Variants in XIRP2 observed in about 807,000 individuals in gnomAD.
XIRP2 encodes the protein xin actin-binding repeat-containing protein 2.
A neutral mutation model predicts 277.0 loss-of-function variants in XIRP2; 236 were observed. The ratio of observed to expected loss-of-function variants is 0.85; its 90% confidence interval spans 0.77 to 0.95. The LOEUF is 0.95. XIRP2 is among the 40% of genes least tolerant of loss of function. XIRP2 has a pLI of 0.00. For synonymous variants in XIRP2, 1,490 were observed against 1,416.5 expected (o/e 1.05, Z -1.17); for missense variants, 4,640 against 4,157.5 (o/e 1.12, Z -3.19).
Position 166,963,709 on chromosome 2 carries a change from G to C in XIRP2, c.408+59819G>C, listed in dbSNP as rs115867419. Among the ~76,000 whole-genome samples, 422 of 151,940 alleles carry C rather than the reference G, an allele frequency of 2.8e-3. 4 individuals carry two copies. Among genetic ancestry groups the C allele is most frequent in the African/African-American group, 9.6e-3 (399 of 41,522 alleles). On this transcript the variant is annotated intron_variant, in intron 2 of 10. Transcript: ENST00000409195. ...ACCTCTCAGAAAGAAGACCAGCATA[G>C]CTGAAGCAGAGCAAAGAAGAGCACT...
intron 1 of XIRP2, 97 bp from the exon 2 acceptor site, chr2:166,903,368 C>A: frequency 7.8e-7 from 1 of 1,284,524 alleles, no homozygotes. Context: ...TTACTAAGAC[C>A]CAAACCCCAA....
chr2:167,049,495 G>T (rs1409455889), intron 2 of XIRP2, among the ~76,000 whole-genome samples: 1 of 150,198 alleles, frequency 6.7e-6, no homozygotes. Flanking sequence ...TACAAATAAT[G>T]GAGACCTTCT....
At chr2:167,126,680 G>T (rs1691215984) in intron 2 of XIRP2, among the ~76,000 whole-genome samples, 1 of 152,214 alleles carries the variant, frequency 6.6e-6, no homozygotes, top group South Asian at 2.1e-4. Context: ...CCAATAACTT[G>T]TCATTTGCTT....
chr2:167,081,946 C>T (rs1174829005), intron 2 of XIRP2, among the ~76,000 whole-genome samples: 2 of 146,564 alleles, frequency 1.4e-5, no homozygotes, highest in Admixed American at 6.8e-5. Flanking sequence ...CATGTATTTT[C>T]TTTTTTTTTA....
chr2:167,250,355 T>C lies in XIRP2; in HGVS notation c.8963T>C (p.Ile2988Thr). The C allele has an allele frequency of 6.2e-7, 1 of 1,613,552 alleles. No individual in the cohort carries two copies. Among genetic ancestry groups the C allele is most frequent in the Non-Finnish European group, 8.5e-7 (1 of 1,179,692 alleles). Reference protein sequence around the residue: ...TLLNTIPGWLISEDKREYAVH... With the variant: ...TLLNTIPGWLTSEDKREYAVH... ...TTAAATACTATCCCAGGATGGCTGA[T>C]AAGTGAAGATAAGAGAGAATATGCA... The change falls in exon 9 of 11, where the codon ATA becomes ACA. Residue 2988 changes from isoleucine (I) to threonine (T), a missense_variant. Transcript: ENST00000409195.
At chr2:167,237,834 T>TA (rs1694948207) in intron 5 of XIRP2, among the ~76,000 whole-genome samples, 3 of 152,208 alleles carry the variant, frequency 2.0e-5, no homozygotes, top group Admixed American at 1.3e-4. Flanking sequence ...CCATAGAATA[T>TA]TCCCACTATA....
chr2:166,902,155 C>T (rs1400988811), intron 1 of XIRP2, among the ~76,000 whole-genome samples: 2 of 152,040 alleles, frequency 1.3e-5, no homozygotes, highest in Admixed American at 6.6e-5. Flanking sequence ...ATGGAGCTAT[C>T]CAGCAGTCCA....
At chr2:167,228,031 C>T (rs544374727) in intron 5 of XIRP2, among the ~76,000 whole-genome samples, 20 of 152,092 alleles carry the variant, frequency 1.3e-4, no homozygotes, top group African/African-American at 4.1e-4. Context: ...AGTAAAAAAC[C>T]TTATCAAATA....
Position 166,941,587 on chromosome 2 carries a change from C to T in XIRP2, c.408+37697C>T, listed in dbSNP as rs146607556. On this transcript the variant is annotated intron_variant, in intron 2 of 10. Coordinates refer to ENST00000409195, the MANE Select transcript of XIRP2 (RefSeq NM_152381.6). ...TGTTCCTAATTGGCCATCTTGGAACCGCCCCTGCCAGCCTATCATTCTTAA... is the reference window on the plus strand; with the variant it reads ...TGTTCCTAATTGGCCATCTTGGAACTGCCCCTGCCAGCCTATCATTCTTAA... Among the ~76,000 whole-genome samples, 239 of 152,214 alleles carry T rather than the reference C, an allele frequency of 1.6e-3. 8 individuals are homozygous for T. The East Asian group carries it at 0.04, about 26-fold the overall frequency.
intron 3 of XIRP2, among the ~76,000 whole-genome samples, chr2:167,205,162 TC>T (rs2105382689): frequency 6.6e-6 from 1 of 152,178 alleles, no homozygotes; most frequent in East Asian, 1.9e-4. Flanking sequence ...GTGGATTATG[TC>T]CCCACTATAG....
chr2:167,213,284 G>C (rs942734065), intron 4 of XIRP2, among the ~76,000 whole-genome samples: 1 of 152,174 alleles, frequency 6.6e-6, no homozygotes, highest in Middle Eastern at 3.4e-3. Context: ...CAATAAATCT[G>C]TGAGAAAAAT....
chr2:167,178,335 C>G (rs1487712939), intron 3 of XIRP2, among the ~76,000 whole-genome samples: 1 of 152,042 alleles, frequency 6.6e-6, no homozygotes, highest in Non-Finnish European at 1.5e-5. Context: ...ATTTCTGTTT[C>G]TTATACTTAC....
intron 5 of XIRP2, among the ~76,000 whole-genome samples, 163 bp downstream of exon 5, chr2:167,218,463 A>G (rs1694323829): frequency 6.6e-6 from 1 of 152,180 alleles, no homozygotes; most frequent in African/African-American, 2.4e-5. Context: ...TAAAGCATAT[A>G]TATGTATTTA....
chr2:166,941,411 G>A (rs989207550), intron 2 of XIRP2, among the ~76,000 whole-genome samples: 7 of 152,142 alleles, frequency 4.6e-5, no homozygotes, highest in Non-Finnish European at 8.8e-5. Context: ...GCGATGCCTC[G>A]CCCTGCTTTG....
Position 167,258,741 on chromosome 2 carries a change from A to G in XIRP2, c.*924A>G. The G allele has an allele frequency of 1.2e-6, 2 of 1,613,398 alleles. No individual in the cohort carries two copies. Among genetic ancestry groups the G allele is most frequent in the Non-Finnish European group, 1.7e-6 (2 of 1,179,640 alleles). On this transcript the variant is annotated 3_prime_UTR_variant, in exon 11 of 11. Coordinates refer to ENST00000409195, the MANE Select transcript of XIRP2 (RefSeq NM_152381.6). Reference sequence around the variant, plus strand: ...AAGACATCTATTTTAGAATTTCTTGATCTATTACCCTTGTCGAGTGAAGCA... The same window carrying G: ...AAGACATCTATTTTAGAATTTCTTGGTCTATTACCCTTGTCGAGTGAAGCA...
intron 2 of XIRP2, among the ~76,000 whole-genome samples, chr2:167,026,485 T>C (rs1254230151): frequency 1.3e-5 from 2 of 152,188 alleles, no homozygotes; most frequent in Non-Finnish European, 2.9e-5. Context: ...TGTGTGAATT[T>C]GATCCTGTCA....
intron 4 of XIRP2, among the ~76,000 whole-genome samples, chr2:167,214,282 AGGGAGGGAGGGAGGG>A (rs1290441228): frequency 5.6e-5 from 4 of 70,838 alleles, no homozygotes; most frequent in African/African-American, 2.4e-4. Flanking sequence ...AAAGAGAGGG[AGGGAGGGAGGGAGGG>A]AGGAAGGAAG....
At chr2:167,031,558 A>G (rs925774791) in intron 2 of XIRP2, among the ~76,000 whole-genome samples, 1 of 152,118 alleles carries the variant, frequency 6.6e-6, no homozygotes, top group Non-Finnish European at 1.5e-5. Context: ...AGAAAACCCC[A>G]TGGTCCCAGC....
chr2:167,207,906 CCTCT>C (rs1171968142), intron 3 of XIRP2, among the ~76,000 whole-genome samples: 6 of 151,926 alleles, frequency 3.9e-5, no homozygotes, highest in South Asian at 2.1e-4. Flanking sequence ...TTTCAAAGTG[CCTCT>C]CTATGTTTTT....
Sources: allele counts gnomAD v4.1 joint callset (sites outside exome capture counted in the v4.1 genomes callset), GRCh38; gene constraint gnomAD v4.1.1; transcripts MANE v1.5; gene names NCBI Gene and HGNC (gene_info 2026-07-23, HGNC 2026-07-21).